The following CTNNA3 variants were observed in gnomAD, a reference collection of about 807,000 sequenced individuals.
CTNNA3 encodes the protein catenin alpha 3.
A neutral mutation model predicts 95.7 loss-of-function variants in CTNNA3; 76 were observed. The ratio of observed to expected loss-of-function variants is 0.79; its 90% confidence interval spans 0.66 to 0.96. The LOEUF (loss-of-function observed/expected upper bound fraction) is 0.96. Among genes scored for constraint, CTNNA3 ranks in the 40% least tolerant of loss-of-function variants. CTNNA3 has a pLI of 0.00. For missense variants in CTNNA3, 1,191 were observed against 1,089.8 expected, an observed-to-expected ratio of 1.09 and a Z score of -1.31; for synonymous variants, 431 against 374.4, an observed-to-expected ratio of 1.15 and a Z score of -1.74.
intron 1 of CTNNA3, among the ~76,000 whole-genome samples, chr10:67,659,773 G>A (rs796469937): frequency 1.2e-4 from 18 of 152,244 alleles, no homozygotes; most frequent in African/African-American, 4.3e-4. Flanking sequence ...TGAGCCTATG[G>A]GTCCATCCCA....
chr10:67,704,784 A>C (rs1403927391), intron 1 of CTNNA3, among the ~76,000 whole-genome samples: 3 of 150,846 alleles, frequency 2.0e-5, no homozygotes, highest in East Asian at 4.0e-4. Context: ...AATGGGATCT[A>C]ATTAAACTCA....
At chr10:66,864,834 A>T (rs1844100889) in intron 7 of CTNNA3, among the ~76,000 whole-genome samples, 1 of 152,156 alleles carries the variant, frequency 6.6e-6, no homozygotes, top group Non-Finnish European at 1.5e-5. Flanking sequence ...ATACATAGAA[A>T]ACCTAAAATA....
intron 13 of CTNNA3, among the ~76,000 whole-genome samples, chr10:66,268,454 C>A (rs1327470219): frequency 6.6e-6 from 1 of 152,124 alleles, no homozygotes; most frequent in Non-Finnish European, 1.5e-5. Flanking sequence ...AAGCCAAGCC[C>A]CATAAGAGGC....
intron 6 of CTNNA3, among the ~76,000 whole-genome samples, chr10:67,212,684 C>A (rs531382204): frequency 6.6e-6 from 1 of 151,938 alleles, no homozygotes; most frequent in South Asian, 2.1e-4. Flanking sequence ...CAAATGTTTT[C>A]TGTATCTACT....
At chr10:66,082,137 A>G (rs975921584) in intron 14 of CTNNA3, among the ~76,000 whole-genome samples, 1 of 151,970 alleles carries the variant, frequency 6.6e-6, no homozygotes, top group Non-Finnish European at 1.5e-5. Context: ...AATAAAAATA[A>G]ACATAAAAAC....
At chr10:66,594,248 T>C (rs1179286445) in intron 10 of CTNNA3, among the ~76,000 whole-genome samples, 1 of 152,122 alleles carries the variant, frequency 6.6e-6, no homozygotes, top group Non-Finnish European at 1.5e-5. Flanking sequence ...CTATTACCAC[T>C]CTTTCCAAAA....
chr10:66,111,138 C>G (rs937093212), intron 13 of CTNNA3, among the ~76,000 whole-genome samples: 1 of 152,100 alleles, frequency 6.6e-6, no homozygotes, highest in Non-Finnish European at 1.5e-5. Flanking sequence ...GATTGGATCA[C>G]GGGGGCAGAT....
At chr10:67,026,032 C>T (rs1480479170) in intron 7 of CTNNA3, among the ~76,000 whole-genome samples, 2 of 150,200 alleles carry the variant, frequency 1.3e-5, no homozygotes, top group East Asian at 3.9e-4. Context: ...ACCGCATGTT[C>T]TCATTCATAG....
At chr10:67,460,668 T>A (rs978514017) in intron 5 of CTNNA3, among the ~76,000 whole-genome samples, 15 of 152,254 alleles carry the variant, frequency 9.9e-5, no homozygotes, top group Non-Finnish European at 1.6e-4. Context: ...CTGCCAAGTG[T>A]CCTGAGACTC....
chr10:67,382,024 TAATC>T (rs1248211385), intron 5 of CTNNA3, among the ~76,000 whole-genome samples: 1 of 152,240 alleles, frequency 6.6e-6, no homozygotes, highest in Non-Finnish European at 1.5e-5. Flanking sequence ...GAAAAATAGA[TAATC>T]AAAAAGATTT....
intron 11 of CTNNA3, among the ~76,000 whole-genome samples, chr10:66,444,332 A>C (rs541141337): frequency 1.3e-5 from 2 of 152,218 alleles, no homozygotes; most frequent in East Asian, 3.9e-4. Context: ...AACACCACAA[A>C]GATACTCCTC....
At chr10:66,010,951 T>C (rs2078994366) in intron 15 of CTNNA3, among the ~76,000 whole-genome samples, 4 of 152,218 alleles carry the variant, frequency 2.6e-5, no homozygotes, top group Admixed American at 2.6e-4. Context: ...TAAGCCTATG[T>C]TCTTGCTGCG....
chr10:66,588,122 A>G (rs1843421930), intron 10 of CTNNA3, among the ~76,000 whole-genome samples: 1 of 151,822 alleles, frequency 6.6e-6, no homozygotes, highest in Non-Finnish European at 1.5e-5. Flanking sequence ...GCATCCTGAT[A>G]CCGCTTCTTC....
chr10:66,241,616 C>A (rs1037416814), intron 13 of CTNNA3, among the ~76,000 whole-genome samples: 12 of 151,844 alleles, frequency 7.9e-5, no homozygotes, highest in Non-Finnish European at 1.5e-4. Flanking sequence ...CAGAAAAGAA[C>A]AATTAAACAT....
chr10:66,578,513 G>A (rs188910102), intron 10 of CTNNA3, among the ~76,000 whole-genome samples: 1 of 151,902 alleles, frequency 6.6e-6, no homozygotes, highest in Admixed American at 6.6e-5. Context: ...TTTCTTGAGG[G>A]TTTTCAGCAC....
Position 67,673,570 on chromosome 10 carries a change from AG to A in CTNNA3, c.-6+22429del, listed in dbSNP as rs1395742190. Among the ~76,000 whole-genome samples the A allele has an allele frequency of 5.4e-5, 8 of 147,484 alleles. No individual in the cohort carries two copies. In the East Asian group the frequency reaches 1.4e-3, roughly 26 times the overall value. On this transcript the variant is annotated intron_variant, in intron 1 of 17. Transcript: ENST00000433211. ...AATTTATTGAGAGTTTTTAGCATGA[AG>A]GGTTGTTGAATTTTGTCAAAGGCCT...
chr10:66,225,895 A>G (rs2089260718), intron 13 of CTNNA3, among the ~76,000 whole-genome samples: 1 of 151,926 alleles, frequency 6.6e-6, no homozygotes, highest in Non-Finnish European at 1.5e-5. Flanking sequence ...CTATTCAGAT[A>G]TTTTGCTCAT....
intron 7 of CTNNA3, among the ~76,000 whole-genome samples, chr10:66,813,918 A>T (rs1401056292): frequency 6.6e-6 from 1 of 151,926 alleles, no homozygotes; most frequent in African/African-American, 2.4e-5. Context: ...GAGGCAAAAA[A>T]CTCACACAAG....
rs200584975 is a variant in CTNNA3, at chr10:67,373,255, C to A, written c.579+148587G>T. On this transcript the variant is annotated intron_variant, in intron 5 of 17. Transcript: ENST00000433211. Reference sequence around the variant, plus strand: ...ATCTCACATGCAGAGACATGCATAGCTCAAAATAAAGGGATGGAGGAAGAT... The same window carrying A: ...ATCTCACATGCAGAGACATGCATAGATCAAAATAAAGGGATGGAGGAAGAT... Among the ~76,000 whole-genome samples the A allele has an allele frequency of 9.2e-5, 14 of 152,002 alleles. No homozygotes were observed. The East Asian group carries it at 2.7e-3, about 29-fold the overall frequency.
Sources: gnomAD v4.1 joint callset for allele counts (sites outside exome capture counted in the v4.1 genomes callset) on GRCh38, gnomAD v4.1.1 for gene constraint, MANE v1.5 for transcripts, NCBI Gene and HGNC (gene_info 2026-07-23, HGNC 2026-07-21) for gene names.